The following GABRR2 variants were observed in gnomAD, a reference collection of about 807,000 sequenced individuals.
The protein encoded by GABRR2 is gamma-aminobutyric acid type A receptor subunit rho2.
In GABRR2, 36 loss-of-function variants were observed where a neutral mutation model predicts 47.0. The ratio of observed to expected loss-of-function variants is 0.77; its 90% CI spans 0.59 to 1.01. GABRR2 has a LOEUF of 1.01. Ranked by LOEUF, GABRR2 falls within the 50% of genes least tolerant of loss-of-function variation. GABRR2 has a pLI of 0.00. For missense variants in GABRR2, 587 were observed against 594.6 expected (o/e 0.99, Z 0.13); for synonymous variants, 204 against 227.5 (o/e 0.90, Z 0.93).
chr6:89,304,434 C>T (rs569167660), intron 1 of GABRR2, among the ~76,000 whole-genome samples: 2 of 151,754 alleles, frequency 1.3e-5, no homozygotes, highest in East Asian at 3.9e-4. Flanking sequence ...CTCTACTAAA[C>T]AAAAGTTAGC....
chr6:89,268,839 C>T (rs576305683), intron 4 of GABRR2, among the ~76,000 whole-genome samples, 172 bp downstream of exon 4: 2 of 152,302 alleles, frequency 1.3e-5, no homozygotes, highest in East Asian at 1.9e-4. Context: ...GGGAAGTTGT[C>T]CCCTGCTGGG....
rs533730417 is a variant in GABRR2 at position 89,266,159 on chromosome 6, C to T, written c.737-394G>A. On this transcript the variant is annotated intron_variant, in intron 6 of 8. Coordinates refer to ENST00000402938, the MANE Select transcript of GABRR2 (RefSeq NM_002043.5). ...CTCACTGCAGCCTCAGCCTCCCAAG[C>T]TCAAGCGATCCTCCCACCTCAGCTT... Among the ~76,000 whole-genome samples the T allele has an allele frequency of 2.0e-5, 3 of 152,276 alleles. No individual in the cohort carries two copies. In the East Asian group the frequency reaches 5.8e-4, roughly 29 times the overall value.
chr6:89,314,790 T>C (rs1032685645), intron 1 of GABRR2, among the ~76,000 whole-genome samples: 3 of 152,218 alleles, frequency 2.0e-5, no homozygotes, highest in Non-Finnish European at 4.4e-5. Flanking sequence ...TCCAACTATT[T>C]ATATCTGCCT....
chr6:89,309,572 T>A (rs1030143595), intron 1 of GABRR2, among the ~76,000 whole-genome samples: 3 of 152,180 alleles, frequency 2.0e-5, no homozygotes, highest in African/African-American at 4.8e-5. Flanking sequence ...TTTCCTTTTT[T>A]AAAAAAATGT....
chr6:89,284,036 A>G (rs559492078), intron 2 of GABRR2, among the ~76,000 whole-genome samples: 3 of 152,010 alleles, frequency 2.0e-5, no homozygotes, highest in Non-Finnish European at 4.4e-5. Context: ...TGGTCCCACC[A>G]CTCCAAAGAT....
chr6:89,263,984 G>T (rs532548562), intron 8 of GABRR2, among the ~76,000 whole-genome samples: 1 of 152,082 alleles, frequency 6.6e-6, no homozygotes, highest in Non-Finnish European at 1.5e-5. Flanking sequence ...CCCTTCTCTG[G>T]TCATAAGACA....
At chr6:89,311,867 C>T (rs912274462) in intron 1 of GABRR2, among the ~76,000 whole-genome samples, 5 of 152,144 alleles carry the variant, frequency 3.3e-5, no homozygotes, top group Admixed American at 6.5e-5. Flanking sequence ...CGCTAGATGG[C>T]GGCAGAACCA....
intron 6 of GABRR2, among the ~76,000 whole-genome samples, chr6:89,266,057 T>A (rs1038309520): frequency 6.6e-6 from 1 of 152,072 alleles, no homozygotes. Context: ...TTTTAGTCGT[T>A]TGGGTTTTTG....
intron 8 of GABRR2, among the ~76,000 whole-genome samples, chr6:89,261,292 A>C (rs1455246321): frequency 6.6e-6 from 1 of 152,248 alleles, no homozygotes; most frequent in African/African-American, 2.4e-5. Flanking sequence ...AAGTTTAAAC[A>C]AGTCAATTTT....
chr6:89,312,395 A>C (rs770460155), intron 1 of GABRR2, among the ~76,000 whole-genome samples: 2 of 152,218 alleles, frequency 1.3e-5, no homozygotes, highest in African/African-American at 4.8e-5. Flanking sequence ...TTCTGTGTGC[A>C]TGCCTTGGCT....
chr6:89,259,912 T>G (rs1773708150), intron 8 of GABRR2, among the ~76,000 whole-genome samples: 1 of 151,448 alleles, frequency 6.6e-6, no homozygotes, highest in African/African-American at 2.4e-5. Context: ...TTTTTTGTTT[T>G]TTTTGTTTTT....
chr6:89,267,904 A>G (rs981521786), intron 5 of GABRR2, 85 bp from the exon 6 acceptor site: 1 of 1,582,450 alleles, frequency 6.3e-7, no homozygotes, highest in African/African-American at 1.3e-5. Flanking sequence ...GCCAGTCCAG[A>G]AGTAAATAGG....
chr6:89,303,045 C>A, intron 1 of GABRR2: 7 of 1,063,444 alleles, frequency 6.6e-6, no homozygotes, highest in Non-Finnish European at 9.5e-6. Context: ...ACCAGGACTC[C>A]ATGGCCCAGG....
chr6:89,255,749 C>T lies in GABRR2; in HGVS notation c.*1921G>A, dbSNP rs577251040. ...AACCTTCCCATTCTCCCCATGCGTC[C>T]GCTCAAGCTGGTCTCTTGGCTGGTA... On this transcript the variant is annotated 3_prime_UTR_variant, in exon 9 of 9. Transcript: ENST00000402938. Among the ~76,000 whole-genome samples the T allele has an allele frequency of 6.6e-5, 10 of 152,234 alleles. No individual in the cohort carries two copies. The highest frequency in any genetic ancestry group is 2.1e-4 in the South Asian group (1 of 4,816).
At position 89,264,402 on chromosome 6, in the gene GABRR2, G is replaced by A. The variant is rs1773829239; in HGVS notation, c.1086+10C>T. 5 of 1,611,062 alleles carry A rather than the reference G, an allele frequency of 3.1e-6. No individual in the cohort carries two copies. Among genetic ancestry groups the A allele is most frequent in the Middle Eastern group, 3.3e-4 (2 of 6,040 alleles). On this transcript the variant is annotated intron_variant, in intron 8 of 8. Transcript: ENST00000402938. ...ATGGACTTAGACAAGGGCCGAAGAA[G>A]CCCTCTCACCTTCTCCCGCAGCTTC...
intron 8 of GABRR2, among the ~76,000 whole-genome samples, chr6:89,264,061 A>C (rs1773818143): frequency 6.6e-6 from 1 of 152,188 alleles, no homozygotes; most frequent in South Asian, 2.1e-4. Context: ...ATCCTGATAC[A>C]TGTGAAAGAT....
intron 2 of GABRR2, among the ~76,000 whole-genome samples, chr6:89,287,401 C>T (rs965382109): frequency 2.6e-5 from 4 of 152,246 alleles, no homozygotes; most frequent in Non-Finnish European, 5.9e-5. Flanking sequence ...ACCTAAGAAG[C>T]AGTACAAGTC....
At chr6:89,306,127 A>G (rs1348134733) in intron 1 of GABRR2, among the ~76,000 whole-genome samples, 1 of 150,588 alleles carries the variant, frequency 6.6e-6, no homozygotes, top group African/African-American at 2.5e-5. Flanking sequence ...CTGTATTCCT[A>G]TCACTTTGGA....
At chr6:89,293,427 ACT>A (rs1774503168) in intron 2 of GABRR2, among the ~76,000 whole-genome samples, 1 of 152,172 alleles carries the variant, frequency 6.6e-6, no homozygotes, top group Non-Finnish European at 1.5e-5. Context: ...TGAACTGTAC[ACT>A]CAAAAATGGT....
Sources: gnomAD v4.1 joint callset for allele counts (sites outside exome capture counted in the v4.1 genomes callset) on GRCh38, gnomAD v4.1.1 for gene constraint, MANE v1.5 for transcripts, NCBI Gene and HGNC (gene_info 2026-07-23, HGNC 2026-07-21) for gene names.